Variants in GALNT16 observed in about 807,000 individuals in gnomAD.
The protein encoded by GALNT16 is UDP-GalNAc:polypeptide N-acetylgalactosaminyltransferase-like protein 1.
GALNT16 carries 40 observed loss-of-function variants against 76.1 expected under a neutral mutation model. That is an observed-to-expected ratio of 0.53 (90% CI 0.41 to 0.68). The LOEUF is 0.68. Ranked by LOEUF, GALNT16 falls within the 30% of genes least tolerant of loss-of-function variation. GALNT16 has a pLI of 0.00. For missense variants in GALNT16, 621 were observed against 731.9 expected, an observed-to-expected ratio of 0.85 and a Z score of 1.75; for synonymous variants, 276 against 285.2, an observed-to-expected ratio of 0.97 and a Z score of 0.32.
downstream of GALNT16, among the ~76,000 whole-genome samples, chr14:69,361,249 T>C (rs1324956361): frequency 6.6e-6 from 1 of 152,234 alleles, no homozygotes; most frequent in South Asian, 2.1e-4. Context: ...CATTTATAAC[T>C]GGTCCTGTCA....
At chr14:69,381,104 A>G in the GALNT16 span, among the ~76,000 whole-genome samples, 195 of 152,346 alleles carry the variant, frequency 1.3e-3, no homozygotes, top group Non-Finnish European at 1.3e-3. Context: ...CAACATGGTG[A>G]AACCTTGTCT....
At chr14:69,293,498 G>T (rs1243919294) in intron 1 of GALNT16, among the ~76,000 whole-genome samples, 1 of 152,156 alleles carries the variant, frequency 6.6e-6, no homozygotes, top group Non-Finnish European at 1.5e-5. Flanking sequence ...AGCACTTATT[G>T]TATGTCAAGT....
chr14:69,264,366 A>G (rs763036417), intron 1 of GALNT16, among the ~76,000 whole-genome samples: 2 of 152,222 alleles, frequency 1.3e-5, no homozygotes, highest in Non-Finnish European at 2.9e-5. Context: ...TGAGATAAGC[A>G]GATGATAGCT....
chr14:69,276,860 G>C, intron 1 of GALNT16, among the ~76,000 whole-genome samples: 1 of 152,208 alleles, frequency 6.6e-6, no homozygotes, highest in East Asian at 1.9e-4. Context: ...ACTTAAGGTT[G>C]CTGGATCTCA....
intron 1 of GALNT16, among the ~76,000 whole-genome samples, chr14:69,313,068 G>A (rs1014929258): frequency 1.3e-5 from 2 of 152,208 alleles, no homozygotes; most frequent in South Asian, 2.1e-4. Context: ...AAGAATAAGA[G>A]GAGCATTTGG....
intron 6 of GALNT16, among the ~76,000 whole-genome samples, chr14:69,329,322 A>C (rs1243326507): frequency 2.0e-5 from 3 of 152,174 alleles, no homozygotes; most frequent in African/African-American, 7.2e-5. Flanking sequence ...ACACCACTGC[A>C]CTGCAGCCTG....
At chr14:69,380,198 C>T in the GALNT16 span, 2 of 188,974 alleles carry the variant, frequency 1.1e-5, no homozygotes, top group Non-Finnish European at 2.1e-5. Context: ...TGCATTTCCA[C>T]CCCCCACCCC....
At chr14:69,306,607 C>T (rs914434960) in intron 1 of GALNT16, among the ~76,000 whole-genome samples, 1 of 152,194 alleles carries the variant, frequency 6.6e-6, no homozygotes, top group Non-Finnish European at 1.5e-5. Flanking sequence ...ACAAAACCAT[C>T]ATGAACATCT....
intron 14 of GALNT16, chr14:69,351,018 GGGAGGCACCA>G (rs1243526052): frequency 1.3e-5 from 2 of 152,318 alleles, no homozygotes; most frequent in Non-Finnish European, 1.5e-5. Flanking sequence ...CCCGGGGTCG[GGGAGGCACCA>G]GGAGGTGAAG....
downstream of GALNT16, among the ~76,000 whole-genome samples, chr14:69,359,510 T>A (rs2045711428): frequency 6.6e-6 from 1 of 152,212 alleles, no homozygotes; most frequent in African/African-American, 2.4e-5. Context: ...TGCTGAGGAC[T>A]GACACAGATT....
At chr14:69,368,032 G>T in the GALNT16 span, among the ~76,000 whole-genome samples, 11 of 151,972 alleles carry the variant, frequency 7.2e-5, no homozygotes, top group Middle Eastern at 3.2e-3. Context: ...AGAAAGAATG[G>T]CAAGAAAGTG....
At chr14:69,291,886 G>A (rs905258444) in intron 1 of GALNT16, among the ~76,000 whole-genome samples, 82 of 152,290 alleles carry the variant, frequency 5.4e-4, no homozygotes, top group African/African-American at 1.8e-3. Context: ...AAGGAACCAC[G>A]GTCATTACTA....
chr14:69,385,627 CA>C, the GALNT16 span, among the ~76,000 whole-genome samples: 1 of 133,374 alleles, frequency 7.5e-6, no homozygotes, highest in Admixed American at 7.7e-5. Context: ...TTCTTTCAAG[CA>C]AAATTCTTTA....
chr14:69,384,053 A>G, the GALNT16 span, among the ~76,000 whole-genome samples: 66 of 152,276 alleles, frequency 4.3e-4, 1 homozygote, highest in South Asian at 0.011. Flanking sequence ...ACATACTTGT[A>G]TATCATTAAC....
chr14:69,383,628 T>C, the GALNT16 span, among the ~76,000 whole-genome samples: 1 of 152,078 alleles, frequency 6.6e-6, no homozygotes, highest in East Asian at 1.9e-4. Flanking sequence ...AACAAACAAA[T>C]AGTTACAGGT....
At chr14:69,340,677 G>A (rs1188474918) in intron 11 of GALNT16, among the ~76,000 whole-genome samples, 1 of 152,056 alleles carries the variant, frequency 6.6e-6, no homozygotes. Flanking sequence ...ATAGAGATGG[G>A]GTTTCACCAT....
chr14:69,339,438 C>A, intron 10 of GALNT16, 89 bp from the exon 11 acceptor site: 1 of 819,876 alleles, frequency 1.2e-6, no homozygotes. Flanking sequence ...TCTCATCGTC[C>A]TGTATTCATG....
intron 10 of GALNT16, among the ~76,000 whole-genome samples, 176 bp from the exon 11 acceptor site, chr14:69,339,351 C>T (rs1594863039): frequency 1.3e-5 from 2 of 152,318 alleles, no homozygotes; most frequent in East Asian, 3.9e-4. Context: ...CCTACAAAGT[C>T]GATGGGTATT....
chr14:69,328,504 C>A lies in GALNT16; in HGVS notation c.623C>A (p.Thr208Asn). ...GADVAAATVLTFLDSHCEVNT... is the reference protein window; with the variant it reads ...GADVAAATVLNFLDSHCEVNT... ...GACGTGGCTGCAGCTACCGTTCTCACCTTTCTGGATAGCCACTGCGAAGTG... is the reference window on the plus strand; with the variant it reads ...GACGTGGCTGCAGCTACCGTTCTCAACTTTCTGGATAGCCACTGCGAAGTG... The change falls in exon 6 of 15, where the codon ACC becomes AAC. Residue 208 changes from threonine (T) to asparagine (N), a missense_variant. Coordinates refer to ENST00000448469, the MANE Select transcript of GALNT16 (RefSeq NM_001168368.2). The A allele has an allele frequency of 6.2e-7, 1 of 1,614,026 alleles. No homozygotes were observed. The highest frequency in any genetic ancestry group is 8.5e-7 in the Non-Finnish European group (1 of 1,179,946).
Sources: allele counts gnomAD v4.1 joint callset (sites outside exome capture counted in the v4.1 genomes callset), GRCh38; gene constraint gnomAD v4.1.1; transcripts MANE v1.5; gene names NCBI Gene and HGNC (gene_info 2026-07-23, HGNC 2026-07-21).